ZSWIM5: variants seen among roughly 807,000 people sequenced by gnomAD.
The protein encoded by ZSWIM5 is zinc finger SWIM-type containing 5.
In ZSWIM5, 55 loss-of-function variants were observed where a neutral mutation model predicts 119.6. The observed-to-expected ratio is 0.46, with a 90% CI of 0.37 to 0.58. The LOEUF is 0.58. ZSWIM5 is among the 20% of genes least tolerant of loss of function. The pLI, the probability that ZSWIM5 is intolerant of heterozygous loss-of-function variation, is 0.00. For missense variants in ZSWIM5, 1,193 were observed against 1,512.8 expected, an observed-to-expected ratio of 0.79 and a Z score of 3.51; for synonymous variants, 537 against 606.9, an observed-to-expected ratio of 0.88 and a Z score of 1.69.
At chr1:45,070,412 A>G (rs1570056366) in intron 2 of ZSWIM5, 1 of 1,401,848 alleles carries the variant, frequency 7.1e-7, no homozygotes, top group Admixed American at 1.7e-5. Flanking sequence ...AGAACGGGAC[A>G]TGGTACAAAG....
chr1:45,182,535 A>G (rs1433577507), intron 1 of ZSWIM5, among the ~76,000 whole-genome samples: 2 of 152,212 alleles, frequency 1.3e-5, no homozygotes, highest in East Asian at 3.9e-4. Context: ...ATAGGCTCAA[A>G]ATAAAAGGAT....
At chr1:45,066,961 C>T (rs1228514247) in intron 2 of ZSWIM5, among the ~76,000 whole-genome samples, 1 of 152,132 alleles carries the variant, frequency 6.6e-6, no homozygotes, top group African/African-American at 2.4e-5. Flanking sequence ...TTAGGAGTAA[C>T]TACAAGGTTT....
Position 45,083,259 on chromosome 1 carries a change from T to C in ZSWIM5, c.952+4622A>G, listed in dbSNP as rs141505194. Among the ~76,000 whole-genome samples the C allele has an allele frequency of 3.7e-3, 556 of 152,246 alleles. 4 individuals carry two copies. Among genetic ancestry groups the C allele is most frequent in the Admixed American group, 0.018 (277 of 15,296 alleles). On this transcript the variant is annotated intron_variant, in intron 2 of 13. Coordinates refer to ENST00000359600, the MANE Select transcript of ZSWIM5 (RefSeq NM_020883.2). ...AGCCTGTCTGACTGTTCTTTCTTTA[T>C]TCTTTTAATTTTTTTTTTTGAGACA...
At chr1:45,188,913 CCATT>C (rs1570201194) in intron 1 of ZSWIM5, among the ~76,000 whole-genome samples, 1 of 152,342 alleles carries the variant, frequency 6.6e-6, no homozygotes, top group East Asian at 1.9e-4. Flanking sequence ...TACTGAAAAA[CCATT>C]CACTACTAAA....
chr1:45,204,973 C>A (rs2149059026), intron 1 of ZSWIM5, among the ~76,000 whole-genome samples: 1 of 152,104 alleles, frequency 6.6e-6, no homozygotes, highest in African/African-American at 2.4e-5. Flanking sequence ...AGGAAGAAAT[C>A]ATTTGTATAA....
At chr1:45,082,418 C>T (rs1450394906) in intron 2 of ZSWIM5, among the ~76,000 whole-genome samples, 1 of 152,108 alleles carries the variant, frequency 6.6e-6, no homozygotes, top group Non-Finnish European at 1.5e-5. Flanking sequence ...ATTCATTTCT[C>T]CTCTTTTGTT....
In ZSWIM5 at chr1:45,035,747, G is replaced by A; in HGVS notation, c.2232C>T (p.Phe744=). 1 of 1,613,982 alleles carries A rather than the reference G, an allele frequency of 6.2e-7. No homozygotes were observed. The change falls in exon 10 of 14, where the codon TTC becomes TTT. Residue 744 remains phenylalanine, a synonymous_variant. Transcript: ENST00000359600. ...VPMHTFAKYL[F]SALLPHDPDL... ...CTGGATCATGAGGCAGCAGAGCTGA[G>A]AACAAATACTTGGCAAAGGTATGCA... is the stretch of plus-strand genomic sequence containing the variant.
intron 1 of ZSWIM5, among the ~76,000 whole-genome samples, chr1:45,132,004 T>A (rs891328259): frequency 2.0e-5 from 3 of 150,820 alleles, no homozygotes; most frequent in African/African-American, 7.3e-5. Flanking sequence ...TGACGGATAC[T>A]AAGGAGTTGA....
chr1:45,120,226 C>T (rs1011291710), intron 1 of ZSWIM5, among the ~76,000 whole-genome samples: 1 of 152,182 alleles, frequency 6.6e-6, no homozygotes, highest in Non-Finnish European at 1.5e-5. Flanking sequence ...TGCTTGTAGT[C>T]TCAGCTACTC....
At position 45,055,154 on chromosome 1, in the gene ZSWIM5, C is replaced by A. The variant is rs551111195; in HGVS notation, c.1252+3455G>T. 3.9e-5 allele frequency among the ~76,000 whole-genome samples: 6 copies of A among 152,302 alleles called. No individual in the cohort carries two copies. The East Asian group carries it at 9.6e-4, about 24-fold the overall frequency. The stretch of plus-strand genomic sequence containing the variant: ...TACAGGCGCCCACCACCATGCCTGG[C>A]TAATTTTTTGTATTTTTAGTAGAGA... On this transcript the variant is annotated intron_variant, in intron 4 of 13. Coordinates refer to ENST00000359600, the MANE Select transcript of ZSWIM5 (RefSeq NM_020883.2).
intron 1 of ZSWIM5, among the ~76,000 whole-genome samples, chr1:45,120,771 C>T (rs1645586686): frequency 6.6e-6 from 1 of 151,874 alleles, no homozygotes; most frequent in Admixed American, 6.6e-5. Context: ...TCGCCATGCC[C>T]AGCCCACAGG....
At chr1:45,197,498 A>G (rs897274327) in intron 1 of ZSWIM5, among the ~76,000 whole-genome samples, 1 of 152,200 alleles carries the variant, frequency 6.6e-6, no homozygotes, top group Non-Finnish European at 1.5e-5. Flanking sequence ...TTATTGCTGA[A>G]CAGTATTCCA....
chr1:45,157,829 G>C (rs1309349545), intron 1 of ZSWIM5, among the ~76,000 whole-genome samples: 1 of 152,084 alleles, frequency 6.6e-6, no homozygotes, highest in Non-Finnish European at 1.5e-5. Flanking sequence ...TCTATGTCTT[G>C]ATGGACATTG....
Position 45,018,313 on chromosome 1 carries a change from C to A in ZSWIM5, c.*141G>T, listed in dbSNP as rs1007465795. 1 of 1,049,808 alleles carries A rather than the reference C, an allele frequency of 9.5e-7. No homozygotes were observed. Among genetic ancestry groups the A allele is most frequent in the African/African-American group, 1.6e-5 (1 of 62,712 alleles). 65.0% of individuals were successfully genotyped at this position (1,049,808 alleles called of 1,614,324 possible). ...ATTATCGACTAGAGCTGGACTTTCC[C>A]CATCCTTAGCCCTGTGGTCCTTTGG... On this transcript the variant is annotated 3_prime_UTR_variant, in exon 14 of 14. Transcript: ENST00000359600. This position sits in a 1 kb window ranked among gnomAD's most constrained non-coding sequence, Gnocchi z 6.7.
intron 1 of ZSWIM5, among the ~76,000 whole-genome samples, chr1:45,102,947 C>T (rs1645448794): frequency 6.6e-6 from 1 of 152,186 alleles, no homozygotes; most frequent in African/African-American, 2.4e-5. Context: ...ACTGCAACTT[C>T]GACCTTCAGG....
intron 1 of ZSWIM5, among the ~76,000 whole-genome samples, chr1:45,092,767 CAT>C (rs1180134873): frequency 6.6e-6 from 1 of 152,190 alleles, no homozygotes; most frequent in African/African-American, 2.4e-5. Flanking sequence ...GGGTGGGCCT[CAT>C]ACAATTGACT....
intron 1 of ZSWIM5, among the ~76,000 whole-genome samples, chr1:45,103,293 T>C (rs1331541805): frequency 2.6e-5 from 4 of 152,230 alleles, no homozygotes; most frequent in Non-Finnish European, 5.9e-5. Flanking sequence ...ACATGACAGA[T>C]AGTATTCTAA....
intron 11 of ZSWIM5, among the ~76,000 whole-genome samples, chr1:45,022,134 A>ATTT (rs1163868262): frequency 6.7e-6 from 1 of 148,898 alleles, no homozygotes; most frequent in African/African-American, 2.5e-5. Flanking sequence ...ATTTTATTTT[A>ATTT]TTTTATTTTT....
At chr1:45,045,525 A>G (rs775146908) in intron 5 of ZSWIM5, among the ~76,000 whole-genome samples, 9 of 152,166 alleles carry the variant, frequency 5.9e-5, no homozygotes, top group Non-Finnish European at 1.3e-4. Context: ...GTTGAAGGAT[A>G]TTATCATTAG....
Sources: allele counts gnomAD v4.1 joint callset (sites outside exome capture counted in the v4.1 genomes callset), GRCh38; gene constraint gnomAD v4.1.1; non-coding constraint Gnocchi (gnomAD v3.1); transcripts MANE v1.5; gene names NCBI Gene and HGNC (gene_info 2026-07-23, HGNC 2026-07-21).